GALNTL6: variants seen among roughly 807,000 people sequenced by gnomAD.
GALNTL6 encodes the protein polypeptide N-acetylgalactosaminyltransferase-like 6.
Under a neutral mutation model 73.7 loss-of-function variants are expected in GALNTL6, and 46 were observed. That is an observed-to-expected ratio of 0.62 (90% confidence interval 0.49 to 0.80). GALNTL6 has a LOEUF of 0.80. Ranked by LOEUF, GALNTL6 falls within the 30% of genes least tolerant of loss-of-function variation. The pLI is 0.00. For missense variants in GALNTL6, 604 were observed against 755.0 expected, an observed-to-expected ratio of 0.80 and a Z score of 2.34; for synonymous variants, 259 against 263.7, an observed-to-expected ratio of 0.98 and a Z score of 0.17.
At chr4:172,206,797 G>T (rs9790367) in intron 2 of GALNTL6, among the ~76,000 whole-genome samples, 5,138 of 23,272 alleles carry the variant, frequency 0.22, 1,766 homozygotes, top group South Asian at 0.51. Context: ...GTTTTGTTTT[G>T]TTTTTCTGTT....
chr4:171,814,931 A>C, intron 2 of GALNTL6: 1 of 586,170 alleles, frequency 1.7e-6, no homozygotes, highest in East Asian at 2.8e-5. Flanking sequence ...CTAGTAAAGA[A>C]GGATAAGACA....
intron 7 of GALNTL6, among the ~76,000 whole-genome samples, chr4:172,846,447 A>G (rs1244896279): frequency 6.6e-6 from 1 of 152,202 alleles, no homozygotes; most frequent in African/African-American, 2.4e-5. Context: ...CACAGAACAT[A>G]ACCATATGCC....
At chr4:171,935,672 T>G (rs1447530524) in intron 2 of GALNTL6, among the ~76,000 whole-genome samples, 1 of 152,180 alleles carries the variant, frequency 6.6e-6, no homozygotes. Flanking sequence ...GGTCTCCCTA[T>G]GTGGCCCAGG....
At chr4:172,959,562 T>C (rs1749934025) in intron 10 of GALNTL6, among the ~76,000 whole-genome samples, 1 of 151,792 alleles carries the variant, frequency 6.6e-6, no homozygotes, top group East Asian at 1.9e-4. Context: ...CCCTCCACTG[T>C]GAGAGTTACC....
intron 11 of GALNTL6, among the ~76,000 whole-genome samples, chr4:173,011,056 G>A (rs892484251): frequency 7.2e-5 from 11 of 152,230 alleles, no homozygotes; most frequent in Middle Eastern, 3.4e-3. Context: ...CATTTCAACT[G>A]GGGTGAGATG....
At chr4:172,816,287 A>G (rs1391789486) in intron 7 of GALNTL6, among the ~76,000 whole-genome samples, 1 of 152,240 alleles carries the variant, frequency 6.6e-6, no homozygotes. Flanking sequence ...CAAGTTTATC[A>G]AATGTCTTAA....
At chr4:173,022,154 A>C (rs1486370815) in intron 12 of GALNTL6, among the ~76,000 whole-genome samples, 1 of 137,152 alleles carries the variant, frequency 7.3e-6, no homozygotes, top group African/African-American at 2.8e-5. Context: ...GAGAGAGAGA[A>C]GGCAGGAAGG....
chr4:172,093,514 G>C (rs749738492), intron 2 of GALNTL6, among the ~76,000 whole-genome samples: 5 of 152,036 alleles, frequency 3.3e-5, no homozygotes, highest in Non-Finnish European at 7.4e-5. Context: ...TTCAAACCCT[G>C]GGCCACAGAC....
At chr4:171,853,012 ATTTTTT>A (rs765984611) in intron 2 of GALNTL6, among the ~76,000 whole-genome samples, 12 of 86,834 alleles carry the variant, frequency 1.4e-4, no homozygotes, top group African/African-American at 4.7e-4. Flanking sequence ...CGCCCGGCTA[ATTTTTT>A]TTTTTTTTTT....
chr4:172,464,682 G>C (rs921236185), intron 5 of GALNTL6, among the ~76,000 whole-genome samples: 1 of 151,874 alleles, frequency 6.6e-6, no homozygotes, highest in Non-Finnish European at 1.5e-5. Flanking sequence ...ACTCCAGCCT[G>C]GGTGAGACAG....
intron 2 of GALNTL6, among the ~76,000 whole-genome samples, chr4:171,924,514 T>C (rs75882476): frequency 8.7e-4 from 132 of 152,300 alleles, no homozygotes; most frequent in African/African-American, 2.7e-3. Flanking sequence ...GATAAGATCA[T>C]GTAGAGACTT....
intron 5 of GALNTL6, among the ~76,000 whole-genome samples, chr4:172,731,505 G>T (rs898231742): frequency 4.6e-5 from 7 of 151,814 alleles, no homozygotes; most frequent in Non-Finnish European, 1.0e-4. Context: ...AACAACCTTT[G>T]CTTTGTTGAT....
intron 5 of GALNTL6, among the ~76,000 whole-genome samples, chr4:172,747,037 A>T (rs1286965407): frequency 6.6e-6 from 1 of 152,144 alleles, no homozygotes; most frequent in Non-Finnish European, 1.5e-5. Flanking sequence ...TTATATACTA[A>T]CAACAATCTG....
intron 5 of GALNTL6, among the ~76,000 whole-genome samples, chr4:172,669,827 AC>A (rs1428448759): frequency 6.6e-6 from 1 of 151,910 alleles, no homozygotes; most frequent in Non-Finnish European, 1.5e-5. Context: ...CCCACACTGT[AC>A]CCTCCAATAA....
intron 5 of GALNTL6, among the ~76,000 whole-genome samples, chr4:172,367,439 G>A (rs2111250679): frequency 6.6e-6 from 1 of 152,036 alleles, no homozygotes; most frequent in South Asian, 2.1e-4. Context: ...GATAATGAAT[G>A]CCTTCATAAG....
At chr4:172,732,928 A>G (rs574284019) in intron 5 of GALNTL6, among the ~76,000 whole-genome samples, 1 of 152,192 alleles carries the variant, frequency 6.6e-6, no homozygotes. Context: ...ACAGGTTGCC[A>G]TGCTATTTTT....
At chr4:172,546,661 C>A (rs576390320) in intron 5 of GALNTL6, among the ~76,000 whole-genome samples, 1 of 150,782 alleles carries the variant, frequency 6.6e-6, no homozygotes, top group East Asian at 2.0e-4. Flanking sequence ...TTTACACATG[C>A]CACTTCTTTG....
intron 7 of GALNTL6, among the ~76,000 whole-genome samples, chr4:172,874,144 C>G (rs1270921357): frequency 2.6e-5 from 4 of 152,212 alleles, no homozygotes; most frequent in Non-Finnish European, 5.9e-5. Context: ...AAAGGCTCTC[C>G]ACTCTCCGCT....
chr4:172,399,893 C>G (rs1561065430), intron 5 of GALNTL6, among the ~76,000 whole-genome samples: 1 of 152,094 alleles, frequency 6.6e-6, no homozygotes, highest in East Asian at 1.9e-4. Flanking sequence ...TAACTTCAAA[C>G]AAGAAGGTTT....
Sources: allele counts gnomAD v4.1 joint callset (sites outside exome capture counted in the v4.1 genomes callset), GRCh38; gene constraint gnomAD v4.1.1; transcripts MANE v1.5; gene names NCBI Gene and HGNC (gene_info 2026-07-23, HGNC 2026-07-21).